Variants in TRRAP observed in about 807,000 individuals in gnomAD.
The protein encoded by TRRAP is transformation/transcription domain associated protein, also known as transformation/transcription domain-associated protein.
TRRAP carries 41 observed loss-of-function variants against 438.8 expected under a neutral mutation model. That is an observed-to-expected ratio of 0.09 (90% CI 0.07 to 0.12). The LOEUF (loss-of-function observed/expected upper bound fraction) is 0.12. TRRAP is among the 10% of genes least tolerant of loss of function. The pLI is 1.00. For synonymous variants in TRRAP, 1,994 were observed against 1,962.9 expected (o/e 1.02, Z -0.42); for missense variants, 3,122 against 5,055.1 (o/e 0.62, Z 11.60).
chr7:98,917,374 G>T, intron 19 of TRRAP, 49 bp from the exon 20 acceptor site: 2 of 1,591,402 alleles, frequency 1.3e-6, no homozygotes, highest in South Asian at 1.1e-5. Flanking sequence ...ACCTGGGCCC[G>T]AGTCTGGGGA....
At position 98,969,957 on chromosome 7, in the gene TRRAP, C is replaced by T. The variant is rs557713137; in HGVS notation, c.7513-155C>T. ...TGGAGGGGTTGGAGGAGAGGAAGCC[C>T]GTCTGGTTGGGGACAGGTGGGAAAG... On this transcript the variant is annotated intron_variant, in intron 51 of 72. Transcript: ENST00000456197. Among the ~76,000 whole-genome samples the T allele has an allele frequency of 3.3e-5, 5 of 152,116 alleles. No individual in the cohort carries two copies. The East Asian group carries it at 9.7e-4, about 29-fold the overall frequency.
chr7:98,881,218 A>G lies in TRRAP; in HGVS notation c.68A>G (p.Gln23Arg). 6.2e-7 allele frequency: 1 copy of G among 1,609,920 alleles called. No homozygotes were observed. Among genetic ancestry groups the G allele is most frequent in the Non-Finnish European group, 8.5e-7 (1 of 1,177,844 alleles). ...DQTTLMKKYLQFVAALTDVNT... is the reference protein window; with the variant it reads ...DQTTLMKKYLRFVAALTDVNT... ...ACCACTTTGATGAAAAAGTACCTTC[A>G]GTTTGTGGCAGCTCTCACAGATGTG... The change falls in exon 2 of 73, where the codon CAG becomes CGG. Residue 23 changes from glutamine (Q) to arginine (R), a missense_variant. Gln to Arg is a conservative substitution (Grantham distance 43, BLOSUM62 1). Transcript: ENST00000456197.
chr7:98,957,909 G>A, intron 43 of TRRAP, 72 bp from the exon 44 acceptor site: 3 of 1,373,340 alleles, frequency 2.2e-6, no homozygotes, highest in Non-Finnish European at 2.0e-6. Flanking sequence ...CATTAGCTGG[G>A]TGAAAAGTCA....
intron 13 of TRRAP, among the ~76,000 whole-genome samples, chr7:98,907,695 A>T (rs961853788): frequency 2.0e-5 from 3 of 152,124 alleles, no homozygotes; most frequent in Non-Finnish European, 4.4e-5. Context: ...CACCTGTTCT[A>T]CATCTTGTGT....
chr7:98,996,587 A>T (rs921117157), intron 67 of TRRAP, among the ~76,000 whole-genome samples: 4 of 152,266 alleles, frequency 2.6e-5, no homozygotes, highest in African/African-American at 9.6e-5. Flanking sequence ...CTGCATTTTT[A>T]AAATTGTAGA....
At chr7:98,906,102 G>T in intron 12 of TRRAP, 75 bp from the exon 13 acceptor site, 1 of 1,396,842 alleles carries the variant, frequency 7.2e-7, no homozygotes, top group Non-Finnish European at 1.0e-6. Flanking sequence ...TGGCTACTTC[G>T]AAAGCACTGT....
In TRRAP at chr7:98,957,204, G is replaced by A. The variant is rs545671907; in HGVS notation, c.6231+671G>A. ...TAACTCATCCCTGCCTTCACACTGT[G>A]GTCCCAGTCTCTGTCACCCCTCGAA... On this transcript the variant is annotated intron_variant, in intron 43 of 72. Transcript: ENST00000456197. Among the ~76,000 whole-genome samples the A allele has an allele frequency of 1.2e-3, 185 of 152,292 alleles. 1 individual carries two copies. Among genetic ancestry groups the A allele is most frequent in the African/African-American group, 3.9e-3 (163 of 41,558 alleles).
At chr7:98,913,446 G>A (rs1789374944) in intron 18 of TRRAP, among the ~76,000 whole-genome samples, 2 of 151,936 alleles carry the variant, frequency 1.3e-5, no homozygotes, top group Admixed American at 1.3e-4. Context: ...ATGCCACCAC[G>A]TTTGGCTAAT....
chr7:98,901,265 C>T (rs969454007), intron 11 of TRRAP, among the ~76,000 whole-genome samples: 10 of 152,324 alleles, frequency 6.6e-5, no homozygotes, highest in Middle Eastern at 3.4e-3. Context: ...CTCACAATGG[C>T]GAACAGAGAG....
intron 12 of TRRAP, among the ~76,000 whole-genome samples, chr7:98,905,605 G>T (rs529115291): frequency 6.6e-6 from 1 of 152,308 alleles, no homozygotes; most frequent in African/African-American, 2.4e-5. Context: ...AAGTTTAGGG[G>T]TGGTTCCACC....
chr7:98,965,756 G>A lies in TRRAP; in HGVS notation c.7037G>A (p.Ser2346Asn). 1 of 1,614,140 alleles carries A rather than the reference G, an allele frequency of 6.2e-7. No individual in the cohort carries two copies. The highest frequency in any genetic ancestry group is 8.5e-7 in the Non-Finnish European group (1 of 1,180,044). Residue 2346 changes from serine (S) to asparagine (N), a missense_variant, in exon 49 of 73, where the codon AGC becomes AAC. Coordinates refer to ENST00000456197, the MANE Select transcript of TRRAP (RefSeq NM_001375524.1). ...ELVKTRLAVM[S>N]MEMRKNFIQA... ...GTGAAGACGCGCCTGGCAGTGATGA[G>A]CATGGAGATGCGGAAGAACTTCATC...
intron 18 of TRRAP, 66 bp downstream of exon 18, chr7:98,912,279 C>G (rs1363356202): frequency 1.3e-6 from 2 of 1,537,604 alleles, no homozygotes; most frequent in African/African-American, 2.7e-5. Flanking sequence ...GAGACAGGGC[C>G]TCACGGTGGT....
chr7:98,894,831 T>G (rs560116953), intron 6 of TRRAP, among the ~76,000 whole-genome samples: 1 of 147,176 alleles, frequency 6.8e-6, no homozygotes, highest in Admixed American at 6.9e-5. Context: ...GAGATGGGGT[T>G]TCACCATGTT....
chr7:98,947,519 G>A (rs751622204), intron 33 of TRRAP, among the ~76,000 whole-genome samples: 5 of 151,282 alleles, frequency 3.3e-5, no homozygotes, highest in South Asian at 2.1e-4. Flanking sequence ...GCAGTGGCAC[G>A]ATCTCAGCTC....
rs188154305 is a variant in TRRAP, at chr7:98,952,722, C to T, written c.5464-445C>T. ...ACGGGGGAAGGTGTGGTCATCCACA[C>T]GTTGCCAAAGAAGGGGACCAGGTAG... On this transcript the variant is annotated intron_variant, in intron 39 of 72. Coordinates refer to ENST00000456197, the MANE Select transcript of TRRAP (RefSeq NM_001375524.1). Among the ~76,000 whole-genome samples the T allele has an allele frequency of 9.2e-5, 14 of 152,174 alleles. No individual in the cohort carries two copies. In the East Asian group the frequency reaches 1.5e-3, roughly 17 times the overall value.
intron 46 of TRRAP, among the ~76,000 whole-genome samples, 155 bp downstream of exon 46, chr7:98,961,629 CAT>C (rs1791896098): frequency 2.0e-5 from 3 of 152,222 alleles, no homozygotes. Flanking sequence ...GACATGGAAA[CAT>C]AGAATGGGCC....
At chr7:98,968,921 G>A (rs1380283917) in intron 51 of TRRAP, among the ~76,000 whole-genome samples, 1 of 152,224 alleles carries the variant, frequency 6.6e-6, no homozygotes, top group African/African-American at 2.4e-5. Context: ...TGGGTCAGGT[G>A]CTAAAAAGAC....
intron 21 of TRRAP, among the ~76,000 whole-genome samples, chr7:98,922,831 C>T (rs1311305964): frequency 1.3e-5 from 2 of 152,184 alleles, no homozygotes; most frequent in Admixed American, 6.5e-5. Flanking sequence ...CTCTGGCTAA[C>T]TCCTCCCTGC....
chr7:98,994,442 A>G lies in TRRAP; in HGVS notation c.10048-145A>G. On this transcript the variant is annotated intron_variant, in intron 66 of 72. Coordinates refer to ENST00000456197, the MANE Select transcript of TRRAP (RefSeq NM_001375524.1). The surrounding 1 kb of genome is among the most constrained non-coding windows in gnomAD (Gnocchi z 4.8). ...GGCGTCCCGTTTCTTGCACACGCCG[A>G]TTTCATGCCTGCTGTGTGTGGGTCC... 8.1e-7 allele frequency: 1 copy of G among 1,239,324 alleles called. No individual in the cohort carries two copies. Among genetic ancestry groups the G allele is most frequent in the Non-Finnish European group, 1.1e-6 (1 of 886,288 alleles). 76.8% of individuals were successfully genotyped at this position (1,239,324 alleles called of 1,614,324 possible). A position where few individuals can be genotyped will look rare whatever the true frequency, so the allele number is the denominator to read the frequency against.
Sources: allele counts gnomAD v4.1 joint callset (sites outside exome capture counted in the v4.1 genomes callset), GRCh38; gene constraint gnomAD v4.1.1; non-coding constraint Gnocchi (gnomAD v3.1); transcripts MANE v1.5; gene names NCBI Gene and HGNC (gene_info 2026-07-23, HGNC 2026-07-21).